The following PARP14 variants were observed in gnomAD, a reference collection of about 807,000 sequenced individuals.
PARP14 encodes poly(ADP-ribose) polymerase family member 14.
Under a neutral mutation model 154.2 loss-of-function variants are expected in PARP14, and 59 were observed. The observed-to-expected ratio is 0.38, with a 90% CI of 0.31 to 0.48. The LOEUF is 0.48. Ranked by LOEUF, PARP14 falls within the 20% of genes least tolerant of loss-of-function variation. The probability of loss-of-function intolerance (pLI) is 0.98; values close to 1 mark genes in which losing one functional copy is unlikely to be tolerated. For missense variants in PARP14, 1,734 were observed against 2,131.6 expected, an observed-to-expected ratio of 0.81 and a Z score of 3.67; for synonymous variants, 720 against 780.5, an observed-to-expected ratio of 0.92 and a Z score of 1.29.
In PARP14 at chr3:122,700,030, G is replaced by A. The variant is rs144051474; in HGVS notation, c.1476G>A (p.Thr492=). Residue 492 remains threonine (T), a synonymous_variant, in exon 6 of 17, where the codon ACG becomes ACA. Transcript: ENST00000474629. ...CHSSLLDHLL[T]ECPEIEICYD... is the part of the protein sequence containing the mutation. ...GCAGTCTACTGGACCATTTACTCAC[G>A]GAGTGCCCAGAGATAGAGATTTGTT... The A allele has an allele frequency of 3.9e-3, 6,311 of 1,613,864 alleles. 25 individuals carry two copies. The highest frequency in any genetic ancestry group is 3.8e-3 in the Non-Finnish European group (4,475 of 1,179,816).
rs1006937114 is a variant in PARP14 at position 122,681,853 on chromosome 3, A to C, written c.187+783A>C. ...TGGCTCAAGGGCCTCCCTGGTCTGC[A>C]ATGGGAAGCCAGTGACCTGCAGCTC... On this transcript the variant is annotated intron_variant, in intron 1 of 16. Coordinates refer to ENST00000474629, the MANE Select transcript of PARP14 (RefSeq NM_017554.3). The surrounding 1 kb of genome is among the most constrained non-coding windows in gnomAD (Gnocchi z 5.5). Among the ~76,000 whole-genome samples the C allele has an allele frequency of 1.3e-5, 2 of 152,126 alleles. No homozygotes were observed. Among genetic ancestry groups the C allele is most frequent in the Non-Finnish European group, 2.9e-5 (2 of 68,016 alleles).
In PARP14 at chr3:122,699,264, A is replaced by C. The variant is rs113635241; in HGVS notation, c.836-126A>C. The C allele has an allele frequency of 1.5e-3, 837 of 566,050 alleles. 6 individuals are homozygous for C. The highest frequency in any genetic ancestry group is 0.01 in the African/African-American group (552 of 53,640). 35.1% of individuals were successfully genotyped at this position (566,050 alleles called of 1,614,324 possible). A position where few individuals can be genotyped will look rare whatever the true frequency, so the allele number is the denominator to read the frequency against. On this transcript the variant is annotated intron_variant, in intron 5 of 16. Transcript: ENST00000474629. Reference sequence around the variant, plus strand: ...TATCATCTTGGTCTTACATTGTTTTATTTCTTTCCTTTAAGTGTTAGAAAA... The same window carrying C: ...TATCATCTTGGTCTTACATTGTTTTCTTTCTTTCCTTTAAGTGTTAGAAAA...
At position 122,708,247 on chromosome 3, in the gene PARP14, C is replaced by T. The variant is rs542936400; in HGVS notation, c.3598C>T (p.Pro1200Ser). 1.1e-4 allele frequency: 173 copies of T among 1,568,388 alleles called. 5 individuals carry two copies. In the South Asian group the frequency reaches 1.9e-3, roughly 17 times the overall value. Residue 1200 changes from proline (P) to serine (S), a missense_variant, in exon 9 of 17, where the codon CCG becomes TCG. Physicochemically the swap from Pro to Ser is moderately conservative, Grantham distance 74. This residue lies in a region of PARP14 where 1,646 missense variants were observed against 1,976.0 expected (regional missense o/e 0.83). Coordinates refer to ENST00000474629, the MANE Select transcript of PARP14 (RefSeq NM_017554.3). ...ANGNLVSDKIPKAKDTQGFYG... is the reference protein window; with the variant it reads ...ANGNLVSDKISKAKDTQGFYG... ...TGGAAATCTCGTCAGTGACAAAATT[C>T]CGAAGGCTAAAGATACACAAGGTTC... is the stretch of plus-strand genomic sequence containing the variant.
rs1483846593 is a variant in PARP14, at chr3:122,700,975, G to C, written c.2421G>C (p.Gln807His). ...CCCCTGGCGTTGTGCTGATTGTGCAGCAGGGTGACTTGGCACGGCTTCCTG... is the reference window on the plus strand; with the variant it reads ...CCCCTGGCGTTGTGCTGATTGTGCACCAGGGTGACTTGGCACGGCTTCCTG... ...VLAPGVVLIVQQGDLARLPVD... is the reference protein window; with the variant it reads ...VLAPGVVLIVHQGDLARLPVD... Residue 807 changes from glutamine to histidine, a missense_variant, in exon 6 of 17, where the codon CAG becomes CAC. Gln to His is a conservative substitution (Grantham distance 24). Transcript: ENST00000474629. 25 of 1,613,884 alleles carry C rather than the reference G, an allele frequency of 1.5e-5. No homozygotes were observed. The highest frequency in any genetic ancestry group is 1.9e-5 in the Non-Finnish European group (23 of 1,179,890).
chr3:122,728,639 A>G lies in PARP14; in HGVS notation c.*42A>G, dbSNP rs1933346980. On this transcript the variant is annotated 3_prime_UTR_variant, in exon 17 of 17. Transcript: ENST00000474629. Reference sequence around the variant, plus strand: ...CCACAAAATTATTCTCCATTTGTACATATCTAGTTGTAAAACAAGTTTTAG... The same window carrying G: ...CCACAAAATTATTCTCCATTTGTACGTATCTAGTTGTAAAACAAGTTTTAG... 6.8e-7 allele frequency: 1 copy of G among 1,477,076 alleles called. No individual in the cohort carries two copies. Among genetic ancestry groups the G allele is most frequent in the Non-Finnish European group, 9.3e-7 (1 of 1,079,242 alleles). 91.5% of individuals were successfully genotyped at this position (1,477,076 alleles called of 1,614,324 possible).
In PARP14 at chr3:122,713,459, G is replaced by A; in HGVS notation, c.3655G>A (p.Val1219Met). ...GACTGTTTCTAGCCCTGATTCAGGTGTGTATGAAATGAAGATTGGCTCCAT... is the reference window on the plus strand; with the variant it reads ...GACTGTTTCTAGCCCTGATTCAGGTATGTATGAAATGAAGATTGGCTCCAT... The part of the protein sequence containing the change: ...YGTVSSPDSG[V>M]YEMKIGSIIF... The change falls in exon 10 of 17, where the codon GTG becomes ATG. Residue 1219 changes from valine (V) to methionine (M), a missense_variant. Coordinates refer to ENST00000474629, the MANE Select transcript of PARP14 (RefSeq NM_017554.3). The A allele has an allele frequency of 6.2e-7, 1 of 1,613,652 alleles. No individual in the cohort carries two copies. The highest frequency in any genetic ancestry group is 2.2e-5 in the East Asian group (1 of 44,880).
chr3:122,685,282 A>T lies in PARP14; in HGVS notation c.285A>T (p.Glu95Asp). Residue 95 changes from glutamate to aspartate, a missense_variant, in exon 2 of 17, where the codon GAA becomes GAT. Physicochemically the swap from Glu to Asp is conservative, Grantham distance 45. Transcript: ENST00000474629. The part of the protein sequence containing the change: ...LTVQLPATPD[E>D]IDHVFEEELL... Reference sequence around the variant, plus strand: ...TCCAGTTACCTGCAACCCCAGATGAAATCGATCATGTCTTTGAAGAGGAAC... The same window carrying T: ...TCCAGTTACCTGCAACCCCAGATGATATCGATCATGTCTTTGAAGAGGAAC... The T allele has an allele frequency of 6.2e-7, 1 of 1,613,902 alleles. No individual in the cohort carries two copies. The highest frequency in any genetic ancestry group is 1.3e-5 in the African/African-American group (1 of 75,054).
rs201220461 is a variant in PARP14 at position 122,728,381 on chromosome 3, A to C, written c.5190A>C (p.Pro1730=). The change falls in exon 17 of 17, where the codon CCA becomes CCC. Residue 1730 remains proline, a synonymous_variant. Coordinates refer to ENST00000474629, the MANE Select transcript of PARP14 (RefSeq NM_017554.3). ...NYSANDTYSR[P]DANGRKHVYY... ...CTGCCAATGATACGTACTCCAGACCAGATGCAAATGGGAGAAAGCATGTGT... is the reference window on the plus strand; with the variant it reads ...CTGCCAATGATACGTACTCCAGACCCGATGCAAATGGGAGAAAGCATGTGT... 4 of 1,613,526 alleles carry C rather than the reference A, an allele frequency of 2.5e-6. No individual in the cohort carries two copies. In the Admixed American group the frequency reaches 5.0e-5, roughly 20 times the overall value.
intron 7 of PARP14, 136 bp downstream of exon 7, chr3:122,704,114 A>G (rs1166206403): frequency 9.2e-6 from 6 of 649,870 alleles, no homozygotes; most frequent in Non-Finnish European, 1.1e-5. Context: ...AGATTCCATC[A>G]TGTGGCCATT....
intron 3 of PARP14, among the ~76,000 whole-genome samples, chr3:122,688,605 C>T (rs899968798): frequency 6.6e-6 from 1 of 152,228 alleles, no homozygotes; most frequent in African/African-American, 2.4e-5. Flanking sequence ...TTACCCCACA[C>T]TGATCCCTGA....
chr3:122,710,869 C>A (rs976463581), intron 9 of PARP14, among the ~76,000 whole-genome samples: 4 of 150,334 alleles, frequency 2.7e-5, no homozygotes, highest in Non-Finnish European at 5.9e-5. Flanking sequence ...AGGGATTGAG[C>A]TTTGATTTGA....
intron 2 of PARP14, among the ~76,000 whole-genome samples, chr3:122,685,825 G>C (rs1330857759): frequency 1.3e-5 from 2 of 151,864 alleles, no homozygotes; most frequent in African/African-American, 2.4e-5. Context: ...CTTTTTATGT[G>C]ATTTTAGACA....
At chr3:122,693,142 C>T (rs1301889664) in intron 4 of PARP14, among the ~76,000 whole-genome samples, 5 of 152,244 alleles carry the variant, frequency 3.3e-5, no homozygotes, top group Non-Finnish European at 7.3e-5. Flanking sequence ...CAGCCTATCT[C>T]TACACCTGTC....
At chr3:122,705,152 A>G (rs1939113747) in intron 8 of PARP14, among the ~76,000 whole-genome samples, 1 of 152,234 alleles carries the variant, frequency 6.6e-6, no homozygotes, top group Non-Finnish European at 1.5e-5. Context: ...TATTTTAAAC[A>G]ATAACAATTC....
chr3:122,718,799 A>C lies in PARP14; in HGVS notation c.4648A>C (p.Lys1550Gln). ...CAATAACACTTCTCATTGTTTTAACAAAATGACCAATCTGAAATTAGAGGA... is the reference window on the plus strand; with the variant it reads ...CAATAACACTTCTCATTGTTTTAACCAAATGACCAATCTGAAATTAGAGGA... ...NDNNTSHCFN[K>Q]MTNLKLEDAR... Residue 1550 changes from lysine to glutamine, a missense_variant, in exon 14 of 17, where the codon AAA becomes CAA. Coordinates refer to ENST00000474629, the MANE Select transcript of PARP14 (RefSeq NM_017554.3). The C allele has an allele frequency of 1.2e-6, 2 of 1,613,956 alleles. No individual in the cohort carries two copies. The highest frequency in any genetic ancestry group is 1.7e-6 in the Non-Finnish European group (2 of 1,179,848).
In PARP14 at chr3:122,729,808, C is replaced by T. The variant is rs969267052; in HGVS notation, c.*1211C>T. ...TGCTACACATCTTCATTGTGAAACC[C>T]TTCCCCTGTGCTGAGATTAAATGAA... On this transcript the variant is annotated 3_prime_UTR_variant, in exon 17 of 17. Transcript: ENST00000474629. 5.3e-5 allele frequency: 8 copies of T among 152,138 alleles called. No individual in the cohort carries two copies. The highest frequency in any genetic ancestry group is 1.9e-4 in the African/African-American group (8 of 41,408). The allele number at this position is 152,138 out of a possible 1,614,324, so 9.4% of individuals were successfully genotyped here. A position where few individuals can be genotyped will look rare whatever the true frequency, so the allele number is the denominator to read the frequency against.
At chr3:122,709,994 T>A (rs1939272745) in intron 9 of PARP14, among the ~76,000 whole-genome samples, 1 of 152,150 alleles carries the variant, frequency 6.6e-6, no homozygotes. Context: ...CTTCAAATAT[T>A]TTCTCCCATT....
intron 9 of PARP14, among the ~76,000 whole-genome samples, chr3:122,709,179 A>T (rs1026378241): frequency 1.3e-5 from 2 of 152,010 alleles, no homozygotes; most frequent in African/African-American, 4.8e-5. Flanking sequence ...TGTACCCGTT[A>T]TGTAGTCTTT....
At chr3:122,688,867 T>C (rs1055350567) in intron 3 of PARP14, among the ~76,000 whole-genome samples, 2 of 151,730 alleles carry the variant, frequency 1.3e-5, no homozygotes, top group Non-Finnish European at 2.9e-5. Flanking sequence ...ATGCAAAAAG[T>C]TTAAAACTGA....
Sources: allele counts gnomAD v4.1 joint callset (sites outside exome capture counted in the v4.1 genomes callset), GRCh38; gene constraint gnomAD v4.1.1; regional missense constraint gnomAD v4.1.1; non-coding constraint Gnocchi (gnomAD v3.1); transcripts MANE v1.5; gene names NCBI Gene and HGNC (gene_info 2026-07-23, HGNC 2026-07-21).